Variants in AUH observed in about 807,000 individuals in gnomAD.
AUH encodes the protein AU RNA binding methylglutaconyl-CoA hydratase, also known as methylglutaconyl-CoA hydratase, mitochondrial.
Under a neutral mutation model 42.3 loss-of-function variants are expected in AUH, and 29 were observed. The ratio of observed to expected loss-of-function variants is 0.69; its 90% CI spans 0.51 to 0.93. The LOEUF (loss-of-function observed/expected upper bound fraction) is 0.93. Ranked by LOEUF, AUH falls within the 40% of genes least tolerant of loss-of-function variation. The probability of loss-of-function intolerance (pLI) is 0.00; values close to 1 mark genes in which losing one functional copy is unlikely to be tolerated. For missense variants in AUH, 452 were observed against 438.1 expected (o/e 1.03, Z -0.28); for synonymous variants, 174 against 166.4 (o/e 1.05, Z -0.35).
chr9:91,284,653 A>G (rs187834675), intron 6 of AUH, among the ~76,000 whole-genome samples: 7 of 152,362 alleles, frequency 4.6e-5, no homozygotes, highest in Admixed American at 3.3e-4. Context: ...AAGTAGGCGA[A>G]GGATATGAAC....
At chr9:91,236,534 T>TAA (rs1431763522) in intron 6 of AUH, among the ~76,000 whole-genome samples, 1 of 151,782 alleles carries the variant, frequency 6.6e-6, no homozygotes, top group African/African-American at 2.4e-5. Context: ...AAGAGGGAAA[T>TAA]GATTGAGAGT....
Position 91,235,297 on chromosome 9 carries a change from G to C in AUH, c.656-14305C>G, listed in dbSNP as rs370220748. 3.4e-3 allele frequency among the ~76,000 whole-genome samples: 523 copies of C among 152,278 alleles called. 3 individuals carry two copies. The highest frequency in any genetic ancestry group is 0.012 in the African/African-American group (501 of 41,544). On this transcript the variant is annotated intron_variant, in intron 6 of 9. Transcript: ENST00000375731. ...GCAGCTTGGACCGAGACAGCGCAAG[G>C]TAGGGAGAGAGATGTGGAGGACTTG...
intron 6 of AUH, among the ~76,000 whole-genome samples, chr9:91,221,425 G>A (rs1455653001): frequency 6.6e-6 from 1 of 152,194 alleles, no homozygotes; most frequent in Admixed American, 6.5e-5. Context: ...TTCAACTCCT[G>A]TTCTTTTAAA....
At chr9:91,249,516 T>G (rs764438272) in intron 6 of AUH, among the ~76,000 whole-genome samples, 2 of 151,864 alleles carry the variant, frequency 1.3e-5, no homozygotes, top group Non-Finnish European at 2.9e-5. Context: ...GTTCGGTAGT[T>G]TTTTTTTGGT....
intron 6 of AUH, 98 bp downstream of exon 6, chr9:91,295,923 A>G: frequency 7.4e-7 from 1 of 1,353,210 alleles, no homozygotes; most frequent in Non-Finnish European, 1.1e-6. Flanking sequence ...TTGTCTCTTT[A>G]CGCAAAATGT....
chr9:91,261,518 T>C (rs1378907504), intron 6 of AUH, among the ~76,000 whole-genome samples: 8 of 152,218 alleles, frequency 5.3e-5, no homozygotes, highest in Non-Finnish European at 8.8e-5. Context: ...CCTTTGTGGC[T>C]TTGTTGAGTT....
chr9:91,222,143 G>T (rs1251442639), intron 6 of AUH, among the ~76,000 whole-genome samples: 1 of 151,706 alleles, frequency 6.6e-6, no homozygotes, highest in East Asian at 1.9e-4. Context: ...AACTAGATGA[G>T]TGATTTTATC....
At chr9:91,336,862 A>C (rs1830732802) in intron 3 of AUH, among the ~76,000 whole-genome samples, 1 of 152,178 alleles carries the variant, frequency 6.6e-6, no homozygotes. Context: ...ATGGCTCTTA[A>C]TTTAAAGAGG....
chr9:91,275,035 AAC>A (rs1765358620), intron 6 of AUH, among the ~76,000 whole-genome samples: 1 of 152,192 alleles, frequency 6.6e-6, no homozygotes, highest in African/African-American at 2.4e-5. Flanking sequence ...TTAACACTAA[AAC>A]ACATTAAGTT....
intron 3 of AUH, among the ~76,000 whole-genome samples, chr9:91,333,664 T>C (rs1467596966): frequency 6.6e-6 from 1 of 152,206 alleles, no homozygotes; most frequent in Non-Finnish European, 1.5e-5. Context: ...AGAAAACCTT[T>C]TCACATAAAC....
At position 91,296,659 on chromosome 9, in the gene AUH, C is replaced by T. The variant is rs1258176426; in HGVS notation, c.599-582G>A. Among the ~76,000 whole-genome samples, 8 of 152,228 alleles carry T rather than the reference C, an allele frequency of 5.3e-5. No homozygotes were observed. In the East Asian group the frequency reaches 1.4e-3, roughly 26 times the overall value. On this transcript the variant is annotated intron_variant, in intron 5 of 9. Transcript: ENST00000375731. ...TATCCAAATATACTTAGACTACTTC[C>T]CATATTCTAATTTCCAAAACCTGTA...
chr9:91,231,676 C>A (rs1202372484), intron 6 of AUH, among the ~76,000 whole-genome samples: 1 of 152,154 alleles, frequency 6.6e-6, no homozygotes, highest in African/African-American at 2.4e-5. Context: ...TCACAAGCAG[C>A]CCTAATGCAT....
intron 6 of AUH, among the ~76,000 whole-genome samples, chr9:91,266,047 C>T (rs528371819): frequency 6.6e-6 from 1 of 152,130 alleles, no homozygotes; most frequent in Non-Finnish European, 1.5e-5. Context: ...GACCCAGAGC[C>T]TTAATGATTT....
chr9:91,356,711 T>C (rs1832441661), intron 1 of AUH, among the ~76,000 whole-genome samples: 1 of 152,196 alleles, frequency 6.6e-6, no homozygotes, highest in African/African-American at 2.4e-5. Context: ...GCCCCACTTT[T>C]TAATCAAAGA....
intron 3 of AUH, among the ~76,000 whole-genome samples, chr9:91,353,502 T>C (rs1587924828): frequency 1.3e-5 from 2 of 152,176 alleles, no homozygotes; most frequent in East Asian, 1.9e-4. Flanking sequence ...TATACTAATA[T>C]AGGCTGTAAG....
chr9:91,334,325 G>T (rs571265229), intron 3 of AUH, among the ~76,000 whole-genome samples: 1 of 152,132 alleles, frequency 6.6e-6, no homozygotes, highest in African/African-American at 2.4e-5. Flanking sequence ...TTGAATTCGT[G>T]AACTGCAAAG....
rs1587656306 is a variant in AUH, at chr9:91,233,707, C to A, written c.656-12715G>T. On this transcript the variant is annotated intron_variant, in intron 6 of 9. Coordinates refer to ENST00000375731, the MANE Select transcript of AUH (RefSeq NM_001698.3). ...GTTTCAAAATAATTATCCTTGGCTA[C>A]AAAGATCAATAACAAGTAACGCCAG... Among the ~76,000 whole-genome samples the A allele has an allele frequency of 2.0e-5, 3 of 152,298 alleles. No individual in the cohort carries two copies. The Middle Eastern group carries it at 0.01, about 518-fold the overall frequency.
At chr9:91,291,102 C>T (rs1222822002) in intron 6 of AUH, among the ~76,000 whole-genome samples, 1 of 152,214 alleles carries the variant, frequency 6.6e-6, no homozygotes, top group East Asian at 1.9e-4. Context: ...CAACCCTTGG[C>T]ATTCCTTGGC....
rs147792054 is a variant in AUH, at chr9:91,306,778, T to C, written c.506-8702A>G. ...TAGGATAATATGCTGATCCACTACA[T>C]TGAAAATGCTACTGAGGAAGCAACG... On this transcript the variant is annotated intron_variant, in intron 4 of 9. Coordinates refer to ENST00000375731, the MANE Select transcript of AUH (RefSeq NM_001698.3). Among the ~76,000 whole-genome samples, 1,357 of 152,282 alleles carry C rather than the reference T, an allele frequency of 8.9e-3. 7 individuals carry two copies. The highest frequency in any genetic ancestry group is 0.013 in the Non-Finnish European group (897 of 68,018).
Sources: gnomAD v4.1 joint callset for allele counts (sites outside exome capture counted in the v4.1 genomes callset) on GRCh38, gnomAD v4.1.1 for gene constraint, MANE v1.5 for transcripts, NCBI Gene and HGNC (gene_info 2026-07-23, HGNC 2026-07-21) for gene names.